The following CTNNA3 variants were observed in gnomAD, a reference collection of about 807,000 sequenced individuals.
CTNNA3 encodes catenin alpha-3.
Under a neutral mutation model 95.7 loss-of-function variants are expected in CTNNA3, and 76 were observed. The ratio of observed to expected loss-of-function variants is 0.79; its 90% CI spans 0.66 to 0.96. The LOEUF (loss-of-function observed/expected upper bound fraction) is 0.96. CTNNA3 is among the 40% of genes least tolerant of loss of function. The pLI is 0.00. For missense variants in CTNNA3, 1,191 were observed against 1,089.8 expected, an observed-to-expected ratio of 1.09 and a Z score of -1.31; for synonymous variants, 431 against 374.4, an observed-to-expected ratio of 1.15 and a Z score of -1.74.
intron 5 of CTNNA3, among the ~76,000 whole-genome samples, chr10:67,374,891 T>C (rs1487225306): frequency 6.6e-6 from 1 of 152,172 alleles, no homozygotes; most frequent in Admixed American, 6.5e-5. Context: ...ATACAACTTA[T>C]TTAGTTTAAT....
intron 13 of CTNNA3, among the ~76,000 whole-genome samples, chr10:66,141,743 A>G (rs1051416922): frequency 6.6e-6 from 1 of 152,230 alleles, no homozygotes; most frequent in Non-Finnish European, 1.5e-5. Context: ...ATAACAGCAC[A>G]TATAAGAGAG....
At chr10:66,049,932 C>G (rs2079912012) in intron 15 of CTNNA3, among the ~76,000 whole-genome samples, 1 of 151,880 alleles carries the variant, frequency 6.6e-6, no homozygotes, top group Non-Finnish European at 1.5e-5. Context: ...CTTTTACACC[C>G]AAACTTAAAA....
intron 15 of CTNNA3, among the ~76,000 whole-genome samples, chr10:66,000,970 G>A (rs2078758646): frequency 1.3e-5 from 2 of 152,014 alleles, no homozygotes; most frequent in African/African-American, 4.8e-5. Flanking sequence ...AATATTAGAA[G>A]ATCACCTTAG....
intron 11 of CTNNA3, among the ~76,000 whole-genome samples, chr10:66,452,748 T>A (rs1453136566): frequency 2.0e-5 from 3 of 152,184 alleles, no homozygotes; most frequent in African/African-American, 7.2e-5. Context: ...CCCTGCCTTC[T>A]GATGGACCAG....
chr10:66,721,658 G>C (rs768796703), intron 9 of CTNNA3, among the ~76,000 whole-genome samples: 3 of 152,132 alleles, frequency 2.0e-5, no homozygotes, highest in Non-Finnish European at 2.9e-5. Context: ...CAGCCAGAAG[G>C]GAGCAAGAGA....
intron 3 of CTNNA3, among the ~76,000 whole-genome samples, chr10:67,582,988 A>T (rs2133325506): frequency 6.6e-6 from 1 of 152,214 alleles, no homozygotes; most frequent in East Asian, 1.9e-4. Flanking sequence ...AATACAGCAC[A>T]CTGATGGGTC....
At chr10:67,357,191 ACT>A in intron 5 of CTNNA3, among the ~76,000 whole-genome samples, 1 of 151,646 alleles carries the variant, frequency 6.6e-6, no homozygotes, top group East Asian at 1.9e-4. Flanking sequence ...CTAACTTTTA[ACT>A]CTCCTCACTG....
intron 7 of CTNNA3, chr10:67,097,636 C>CA: frequency 6.2e-7 from 1 of 1,612,644 alleles, no homozygotes; most frequent in Non-Finnish European, 8.5e-7. Context: ...GACCAGCCCA[C>CA]AATAAGTTAC....
intron 11 of CTNNA3, among the ~76,000 whole-genome samples, chr10:66,512,033 C>T (rs183719017): frequency 2.6e-3 from 400 of 151,930 alleles, no homozygotes; most frequent in African/African-American, 9.2e-3. Flanking sequence ...ATAATATTTG[C>T]CCTATATATC....
At chr10:66,407,206 GAA>G (rs75023003) in intron 11 of CTNNA3, among the ~76,000 whole-genome samples, 3,334 of 136,346 alleles carry the variant, frequency 0.024, 127 homozygotes, top group African/African-American at 0.073. Flanking sequence ...GTGCTTAAAA[GAA>G]AAAAAAAAAA....
At chr10:66,227,742 T>G (rs1278421412) in intron 13 of CTNNA3, among the ~76,000 whole-genome samples, 1 of 152,162 alleles carries the variant, frequency 6.6e-6, no homozygotes, top group Non-Finnish European at 1.5e-5. Flanking sequence ...TTGTGAGAAC[T>G]GATTTTAGTT....
intron 3 of CTNNA3, among the ~76,000 whole-genome samples, chr10:67,575,511 G>T (rs888633701): frequency 6.6e-6 from 1 of 152,176 alleles, no homozygotes; most frequent in African/African-American, 2.4e-5. Flanking sequence ...ATGACTTGGG[G>T]TTAAGCGTTG....
chr10:67,446,840 T>C (rs180888661), intron 5 of CTNNA3, among the ~76,000 whole-genome samples: 1 of 152,278 alleles, frequency 6.6e-6, no homozygotes, highest in Non-Finnish European at 1.5e-5. Context: ...GCATGGTGGC[T>C]CACGGCTGTA....
At chr10:67,533,974 T>C (rs1020896633) in intron 4 of CTNNA3, among the ~76,000 whole-genome samples, 1 of 151,096 alleles carries the variant, frequency 6.6e-6, no homozygotes, top group African/African-American at 2.4e-5. Flanking sequence ...TAAAAAAAAT[T>C]GTGAGCTCAG....
chr10:66,854,885 C>T (rs374561286), intron 7 of CTNNA3, among the ~76,000 whole-genome samples: 8 of 151,612 alleles, frequency 5.3e-5, no homozygotes, highest in African/African-American at 1.2e-4. Context: ...GAATTATGGC[C>T]CTGGATACTG....
chr10:66,442,209 A>G (rs142478248), intron 11 of CTNNA3, among the ~76,000 whole-genome samples: 253 of 152,270 alleles, frequency 1.7e-3, no homozygotes, highest in African/African-American at 6.0e-3. Context: ...TTTAAAGTAT[A>G]CAGGGAGATA....
At chr10:67,119,982 G>A (rs1859378468) in intron 7 of CTNNA3, among the ~76,000 whole-genome samples, 1 of 151,772 alleles carries the variant, frequency 6.6e-6, no homozygotes, top group South Asian at 2.1e-4. Context: ...CTAAAAATGA[G>A]AACATTTCCA....
At chr10:65,948,832 TTC>T (rs1362802708) in intron 17 of CTNNA3, among the ~76,000 whole-genome samples, 2 of 152,200 alleles carry the variant, frequency 1.3e-5, no homozygotes, top group Admixed American at 1.3e-4. Flanking sequence ...TGAAAAAATG[TTC>T]TGTCTTAAGA....
At chr10:66,950,613 C>T (rs1426726350) in intron 7 of CTNNA3, among the ~76,000 whole-genome samples, 3 of 151,770 alleles carry the variant, frequency 2.0e-5, no homozygotes, top group Non-Finnish European at 4.4e-5. Context: ...AAATGTTTAC[C>T]ATTTTCAGTT....
Sources: allele counts gnomAD v4.1 joint callset (sites outside exome capture counted in the v4.1 genomes callset), GRCh38; gene constraint gnomAD v4.1.1; transcripts MANE v1.5; gene names NCBI Gene and HGNC (gene_info 2026-07-23, HGNC 2026-07-21).